FOXJ2: variants seen among roughly 807,000 people sequenced by gnomAD.
FOXJ2 encodes the protein forkhead box J2, also known as forkhead box protein J2.
Under a neutral mutation model 68.4 loss-of-function variants are expected in FOXJ2, and 18 were observed. That is an observed-to-expected ratio of 0.26 (90% CI 0.18 to 0.39). The LOEUF is 0.39. Ranked by LOEUF, FOXJ2 falls within the 10% of genes least tolerant of loss-of-function variation. The pLI, the probability that FOXJ2 is intolerant of heterozygous loss-of-function variation, is 1.00. For synonymous variants in FOXJ2, 274 were observed against 263.2 expected (o/e 1.04, Z -0.40); for missense variants, 670 against 726.5 (o/e 0.92, Z 0.89).
At chr12:8,050,750 C>G in intron 10 of FOXJ2, 130 bp downstream of exon 10, 1 of 1,059,010 alleles carries the variant, frequency 9.4e-7, no homozygotes, top group Non-Finnish European at 1.4e-6. Context: ...TTTATAATTC[C>G]CAAGGCTGGA....
rs1293934793 is a variant in FOXJ2 at position 8,048,786 on chromosome 12, T to G, written c.1315T>G (p.Ser439Ala). Residue 439 changes from serine (S) to alanine (A), a missense_variant, in exon 8 of 11, where the codon TCA (serine) becomes GCA (alanine). This residue lies in a region of FOXJ2 where 555 missense variants were observed against 562.2 expected (regional missense o/e 0.99). Transcript: ENST00000162391. ...GCTCAATTGGTCCAGCATTGAGCAG[T>G]CACAATTCTCAGGTTAGTGATCAAA... Reference protein sequence around the residue: ...NRLNWSSIEQSQFSELMESLR... With the variant: ...NRLNWSSIEQAQFSELMESLR... 1 of 1,613,762 alleles carries G rather than the reference T, an allele frequency of 6.2e-7. No homozygotes were observed. Among genetic ancestry groups the G allele is most frequent in the Non-Finnish European group, 8.5e-7 (1 of 1,179,854 alleles).
At chr12:8,045,012 G>A (rs988495726) in intron 6 of FOXJ2, 54 bp downstream of exon 6, 10 of 1,503,972 alleles carry the variant, frequency 6.6e-6, no homozygotes, top group Non-Finnish European at 7.3e-6. Flanking sequence ...TGTTGAACAA[G>A]TGGGGTGACA....
rs761629513 is a variant in FOXJ2, at chr12:8,038,454, C to T, written c.-14-1365C>T. On this transcript the variant is annotated intron_variant, in intron 1 of 10. Coordinates refer to ENST00000162391, the MANE Select transcript of FOXJ2 (RefSeq NM_018416.3). The surrounding 1 kb of genome is among the most constrained non-coding windows in gnomAD (Gnocchi z 5.3). ...GGATTTAGAGATCACTTACATCATACGTTTCTGTTCAGGATTCTGAACTTT... is the reference window on the plus strand; with the variant it reads ...GGATTTAGAGATCACTTACATCATATGTTTCTGTTCAGGATTCTGAACTTT... Among the ~76,000 whole-genome samples the T allele has an allele frequency of 5.8e-4, 89 of 152,256 alleles. No homozygotes were observed. The highest frequency in any genetic ancestry group is 2.0e-3 in the African/African-American group (85 of 41,526).
At chr12:8,048,440 T>G (rs935416894) in intron 7 of FOXJ2, 151 bp downstream of exon 7, 1 of 1,340,650 alleles carries the variant, frequency 7.5e-7, no homozygotes. Flanking sequence ...AAGTTACTAC[T>G]TAGAGCTCTG....
intron 3 of FOXJ2, 130 bp from the exon 4 acceptor site, chr12:8,043,571 G>T (rs1946996014): frequency 1.2e-6 from 1 of 864,840 alleles, no homozygotes; most frequent in Non-Finnish European, 1.9e-6. Flanking sequence ...GCCTGTGTTT[G>T]GACCACAGGA....
At chr12:8,042,830 G>A (rs1946982603) in intron 3 of FOXJ2, 98 bp downstream of exon 3, 2 of 985,952 alleles carry the variant, frequency 2.0e-6, no homozygotes, top group Non-Finnish European at 3.2e-6. Flanking sequence ...CCCAGAAGAG[G>A]AAATCATGCT....
intron 1 of FOXJ2, among the ~76,000 whole-genome samples, chr12:8,034,492 G>A (rs931718030): frequency 4.6e-5 from 7 of 152,204 alleles, no homozygotes; most frequent in Admixed American, 3.9e-4. Flanking sequence ...GAGGCGAGAA[G>A]AAAGTGTGCA....
intron 2 of FOXJ2, among the ~76,000 whole-genome samples, chr12:8,042,035 G>A (rs945881657): frequency 6.6e-6 from 1 of 151,976 alleles, no homozygotes; most frequent in Non-Finnish European, 1.5e-5. Context: ...GTGCTACCAC[G>A]CCTGGCTAAT....
intron 9 of FOXJ2, 60 bp downstream of exon 9, chr12:8,049,631 G>A (rs1363215189): frequency 1.4e-6 from 2 of 1,455,402 alleles, no homozygotes; most frequent in Non-Finnish European, 1.8e-6. Context: ...AAGCATAGGA[G>A]AAAGGCAAAA....
chr12:8,039,200 C>T (rs1946934239), intron 1 of FOXJ2, among the ~76,000 whole-genome samples: 1 of 151,722 alleles, frequency 6.6e-6, no homozygotes, highest in East Asian at 1.9e-4. Flanking sequence ...AGTCTGTCTG[C>T]TGGTTGTCAT....
intron 10 of FOXJ2, among the ~76,000 whole-genome samples, chr12:8,052,411 G>A (rs1170185984): frequency 1.1e-4 from 17 of 151,854 alleles, no homozygotes; most frequent in Non-Finnish European, 1.9e-4. Context: ...GTAGAGATGG[G>A]GTTTCTCCAT....
At position 8,032,728 on chromosome 12, in the gene FOXJ2, A is replaced by AGCCGAGCCCGAGCCCGC. The variant is rs1946850630; in HGVS notation, c.-1110_-1094dup. ...GGAGCCGGGGCCTGCAGCGGAGCCG[A>AGCCGAGCCCGAGCCCGC]GCCGAGCCCGAGCCCGCGCCGAGCC... On this transcript the variant is annotated 5_prime_UTR_variant, in exon 1 of 11. Coordinates refer to ENST00000162391, the MANE Select transcript of FOXJ2 (RefSeq NM_018416.3). This position sits in a 1 kb window ranked among gnomAD's most constrained non-coding sequence, Gnocchi z 4.8. 1.0e-5 allele frequency: 4 copies of AGCCGAGCCCGAGCCCGC among 393,418 alleles called. No homozygotes were observed. Among genetic ancestry groups the AGCCGAGCCCGAGCCCGC allele is most frequent in the East Asian group, 3.6e-5 (1 of 27,760 alleles). 24.4% of individuals were successfully genotyped at this position (393,418 alleles called of 1,614,324 possible).
chr12:8,036,592 G>T (rs1330551705), intron 1 of FOXJ2, among the ~76,000 whole-genome samples: 1 of 152,206 alleles, frequency 6.6e-6, no homozygotes, highest in Non-Finnish European at 1.5e-5. Flanking sequence ...TAACTAGGTT[G>T]GTTGGACTGA....
At chr12:8,049,265 G>A (rs1947081133) in intron 8 of FOXJ2, 97 bp from the exon 9 acceptor site, 2 of 862,498 alleles carry the variant, frequency 2.3e-6, no homozygotes, top group Non-Finnish European at 3.7e-6. Context: ...ATCAGTGGGG[G>A]TGATTGATGG....
At position 8,050,464 on chromosome 12, in the gene FOXJ2, T is replaced by C. The variant is rs375511212; in HGVS notation, c.1538-58T>C. 6.8e-5 allele frequency: 108 copies of C among 1,580,660 alleles called. 4 individuals carry two copies. The highest frequency in any genetic ancestry group is 4.3e-4 in the East Asian group (19 of 44,062). On this transcript the variant is annotated intron_variant, in intron 9 of 10. Coordinates refer to ENST00000162391, the MANE Select transcript of FOXJ2 (RefSeq NM_018416.3). ...GGGTATATTTTTTTCTTCCCTGCTT[T>C]GTTGAGTACAGTGACCCGCCCCCCC...
At chr12:8,052,680 T>TGG in intron 10 of FOXJ2, 82 bp from the exon 11 acceptor site, 1 of 1,213,472 alleles carries the variant, frequency 8.2e-7, no homozygotes, top group Non-Finnish European at 1.2e-6. Flanking sequence ...TGGTGTTATC[T>TGG]GGGGCTGAGC....
In FOXJ2 at chr12:8,035,111, T is replaced by G. The variant is rs922766265; in HGVS notation, c.-15+1278T>G. ...TGGAAGCTACTGGTGGTATATGAGATAGGGCACAGGTTTGTGTGGCTGTGC... is the reference window on the plus strand; with the variant it reads ...TGGAAGCTACTGGTGGTATATGAGAGAGGGCACAGGTTTGTGTGGCTGTGC... On this transcript the variant is annotated intron_variant, in intron 1 of 10. Transcript: ENST00000162391. The surrounding 1 kb of genome is among the most constrained non-coding windows in gnomAD (Gnocchi z 4.0). 6.6e-6 allele frequency among the ~76,000 whole-genome samples: 1 copy of G among 152,222 alleles called. No individual in the cohort carries two copies. The highest frequency in any genetic ancestry group is 2.4e-5 in the African/African-American group (1 of 41,450).
intron 9 of FOXJ2, 105 bp from the exon 10 acceptor site, chr12:8,050,417 G>A (rs2121353265): frequency 1.4e-6 from 2 of 1,477,182 alleles, no homozygotes; most frequent in South Asian, 1.4e-5. Flanking sequence ...GGGCAGGGAA[G>A]AGAGAAGGAG....
chr12:8,042,035 G>T (rs945881657), intron 2 of FOXJ2, among the ~76,000 whole-genome samples: 1 of 151,976 alleles, frequency 6.6e-6, no homozygotes, highest in Non-Finnish European at 1.5e-5. Context: ...GTGCTACCAC[G>T]CCTGGCTAAT....
Sources: allele counts gnomAD v4.1 joint callset (sites outside exome capture counted in the v4.1 genomes callset), GRCh38; gene constraint gnomAD v4.1.1; regional missense constraint gnomAD v4.1.1; non-coding constraint Gnocchi (gnomAD v3.1); transcripts MANE v1.5; gene names NCBI Gene and HGNC (gene_info 2026-07-23, HGNC 2026-07-21).